DRC8: variants seen among roughly 807,000 people sequenced by gnomAD.
DRC8 encodes the protein dynein regulatory complex protein 8.
the DRC8 span, among the ~76,000 whole-genome samples, chr1:244,973,946 G>A: frequency 0.022 from 3,414 of 151,936 alleles, 139 homozygotes; most frequent in African/African-American, 0.077. Flanking sequence ...AGCATTTTTT[G>A]CTTTCATACA....
chr1:244,985,249 T>C, the DRC8 span, among the ~76,000 whole-genome samples: 4 of 152,218 alleles, frequency 2.6e-5, no homozygotes, highest in African/African-American at 4.8e-5. Context: ...GTAAATAGCA[T>C]TGCTTAGTGG....
the DRC8 span, among the ~76,000 whole-genome samples, chr1:245,041,442 G>A: frequency 1.9e-4 from 29 of 152,200 alleles, no homozygotes; most frequent in African/African-American, 7.0e-4. Context: ...CTGTGAGAAT[G>A]GATTGAGATG....
the DRC8 span, among the ~76,000 whole-genome samples, chr1:245,041,879 C>G: frequency 1.3e-4 from 19 of 151,986 alleles, no homozygotes; most frequent in African/African-American, 4.1e-4. Flanking sequence ...TTGAGGAAGG[C>G]CCCAGAAGCA....
At chr1:245,123,278 G>A in the DRC8 span, 1 of 152,294 alleles carries the variant, frequency 6.6e-6, no homozygotes, top group Admixed American at 6.5e-5. This position sits in a 1 kb window ranked among gnomAD's most constrained non-coding sequence, Gnocchi z 5.0. Flanking sequence ...AAGAAAACTG[G>A]AAGAGACGTC....
At chr1:245,124,558 T>G in the DRC8 span, 1 of 151,888 alleles carries the variant, frequency 6.6e-6, no homozygotes, top group South Asian at 2.1e-4. Flanking sequence ...AACAGTGACG[T>G]AGCACTAGGT....
At chr1:245,011,329 C>T in the DRC8 span, among the ~76,000 whole-genome samples, 1 of 152,190 alleles carries the variant, frequency 6.6e-6, no homozygotes, top group Admixed American at 6.5e-5. Context: ...CAATCATCTT[C>T]TTACATTTAT....
chr1:245,093,997 C>T, the DRC8 span, among the ~76,000 whole-genome samples: 4 of 152,008 alleles, frequency 2.6e-5, no homozygotes, highest in African/African-American at 9.7e-5. Context: ...ACTTTAAATA[C>T]AGCTTTTAAA....
chr1:245,032,621 G>A, the DRC8 span, among the ~76,000 whole-genome samples: 1 of 152,118 alleles, frequency 6.6e-6, no homozygotes, highest in African/African-American at 2.4e-5. Context: ...ATGACAAAAT[G>A]TATTTATTAT....
At chr1:245,097,991 G>T in the DRC8 span, among the ~76,000 whole-genome samples, 1 of 152,228 alleles carries the variant, frequency 6.6e-6, no homozygotes, top group African/African-American at 2.4e-5. This position sits in a 1 kb window ranked among gnomAD's most constrained non-coding sequence, Gnocchi z 5.0. Flanking sequence ...GAGAGAAGAA[G>T]AGATGCCATT....
the DRC8 span, among the ~76,000 whole-genome samples, chr1:244,979,737 C>T: frequency 1.3e-5 from 2 of 151,972 alleles, no homozygotes; most frequent in African/African-American, 4.8e-5. Context: ...CCACGACTCC[C>T]AGCCCCAGGC....
At chr1:245,094,440 C>T in the DRC8 span, among the ~76,000 whole-genome samples, 68 of 152,244 alleles carry the variant, frequency 4.5e-4, no homozygotes, top group Middle Eastern at 6.8e-3. Flanking sequence ...AGTGATTGCA[C>T]GGAAATAAGC....
the DRC8 span, among the ~76,000 whole-genome samples, chr1:245,110,214 C>A: frequency 2.0e-5 from 3 of 152,080 alleles, no homozygotes; most frequent in Non-Finnish European, 2.9e-5. Context: ...GAAACCTCAT[C>A]TCTATTAAAA....
At chr1:245,067,663 AG>A in the DRC8 span, among the ~76,000 whole-genome samples, 1 of 151,908 alleles carries the variant, frequency 6.6e-6, no homozygotes, top group Non-Finnish European at 1.5e-5. Flanking sequence ...CTTTTGAGTT[AG>A]TAGAACAAGA....
At chr1:244,982,236 A>G in the DRC8 span, among the ~76,000 whole-genome samples, 6 of 152,370 alleles carry the variant, frequency 3.9e-5, no homozygotes, top group Non-Finnish European at 5.9e-5. Context: ...CTGGCTTCCA[A>G]CAAAAAATGA....
the DRC8 span, among the ~76,000 whole-genome samples, chr1:245,077,082 T>C: frequency 6.6e-6 from 1 of 152,064 alleles, no homozygotes; most frequent in Admixed American, 6.6e-5. Flanking sequence ...TTCTGCTTGA[T>C]GATAGTGATT....
chr1:245,041,988 G>A, the DRC8 span, among the ~76,000 whole-genome samples: 1 of 152,122 alleles, frequency 6.6e-6, no homozygotes, highest in Non-Finnish European at 1.5e-5. Flanking sequence ...AATTTGTTAT[G>A]GCAGCCCTAG....
At chr1:245,103,807 G>C in the DRC8 span, among the ~76,000 whole-genome samples, 6 of 152,338 alleles carry the variant, frequency 3.9e-5, no homozygotes, top group African/African-American at 1.2e-4. Flanking sequence ...CTAAAGAAAA[G>C]GTGGGGAGAG....
chr1:245,017,846 G>T, the DRC8 span, among the ~76,000 whole-genome samples: 1 of 152,032 alleles, frequency 6.6e-6, no homozygotes, highest in African/African-American at 2.4e-5. Flanking sequence ...ACACAGCTTG[G>T]GACTGAAACA....
the DRC8 span, among the ~76,000 whole-genome samples, chr1:245,014,569 A>G: frequency 6.6e-6 from 1 of 152,044 alleles, no homozygotes; most frequent in East Asian, 1.9e-4. Context: ...TTATGTTGCA[A>G]CCTGGAAAAA....
Sources: gnomAD v4.1 joint callset for allele counts (sites outside exome capture counted in the v4.1 genomes callset) on GRCh38, gnomAD v4.1.1 for gene constraint, Gnocchi (gnomAD v3.1) non-coding constraint, MANE v1.5 for transcripts, NCBI Gene and HGNC (gene_info 2026-07-23, HGNC 2026-07-21) for gene names.